The following INO80D variants were observed in gnomAD, a reference collection of about 807,000 sequenced individuals.
INO80D encodes INO80 complex subunit D.
A neutral mutation model predicts 87.6 loss-of-function variants in INO80D; 21 were observed. That is an observed-to-expected ratio of 0.24 (90% confidence interval 0.17 to 0.35). The LOEUF is 0.35. Among genes scored for constraint, INO80D ranks in the 10% least tolerant of loss-of-function variants. INO80D has a pLI of 1.00. For missense variants in INO80D, 982 were observed against 1,280.7 expected, an observed-to-expected ratio of 0.77 and a Z score of 3.56; for synonymous variants, 440 against 491.0, an observed-to-expected ratio of 0.90 and a Z score of 1.37.
Position 206,004,997 on chromosome 2 carries a change from C to T in INO80D, c.2455G>A (p.Asp819Asn). ...CCATGGGGTGAGGAGTGTGAGTGAT[C>T]ACTGCTGTATTGCTGTCGTGAGGTG... Reference protein sequence around the residue: ...LITSRQQYSSDHSHSSPHGSH... With the variant: ...LITSRQQYSSNHSHSSPHGSH... The change falls in exon 11 of 11, where the codon GAT becomes AAT. Residue 819 changes from aspartate (D) to asparagine (N), a missense_variant. Transcript: ENST00000403263. The surrounding 1 kb of genome is among the most constrained non-coding windows in gnomAD (Gnocchi z 4.9). 6.2e-7 allele frequency: 1 copy of T among 1,613,954 alleles called. No homozygotes were observed. Among genetic ancestry groups the T allele is most frequent in the South Asian group, 1.1e-5 (1 of 91,072 alleles).
At chr2:206,040,779 G>T in intron 5 of INO80D, 1 of 264,390 alleles carries the variant, frequency 3.8e-6, no homozygotes, top group South Asian at 3.9e-5. Context: ...GGGAGGCCAA[G>T]GTCAAGCTCA....
chr2:206,030,804 A>G (rs1420810173), intron 5 of INO80D, among the ~76,000 whole-genome samples: 1 of 152,222 alleles, frequency 6.6e-6, no homozygotes, highest in Non-Finnish European at 1.5e-5. Flanking sequence ...AAAATACAGT[A>G]ACAGAGGTGT....
At chr2:206,039,810 C>CAAAAAAAAAAAA (rs35689223) in intron 5 of INO80D, among the ~76,000 whole-genome samples, 1 of 101,086 alleles carries the variant, frequency 9.9e-6, no homozygotes, top group African/African-American at 4.0e-5. Context: ...CCTCTGTCTC[C>CAAAAAAAAAAAA]AAAAAAAAAA....
chr2:206,061,840 G>A (rs1342418247), intron 3 of INO80D, among the ~76,000 whole-genome samples: 1 of 152,200 alleles, frequency 6.6e-6, no homozygotes, highest in Non-Finnish European at 1.5e-5. Context: ...CATGGATGAA[G>A]GTTGTGTGTG....
At position 206,004,767 on chromosome 2, in the gene INO80D, G is replaced by A. The variant is rs1211974088; in HGVS notation, c.2685C>T (p.Val895=). ...TAAATGGAGAGGGGTCTCCAAGGTT[G>A]ACAGGGAGATTGCCCCAGTGAGTTC... ...NPRTHWGNLP[V]NLGDPSPFSN... The change falls in exon 11 of 11, where the codon GTC becomes GTT. Residue 895 remains valine, a synonymous_variant. Coordinates refer to ENST00000403263, the MANE Select transcript of INO80D (RefSeq NM_017759.5). This position sits in a 1 kb window ranked among gnomAD's most constrained non-coding sequence, Gnocchi z 4.9. 2 of 1,614,016 alleles carry A rather than the reference G, an allele frequency of 1.2e-6. No individual in the cohort carries two copies. The highest frequency in any genetic ancestry group is 8.5e-7 in the Non-Finnish European group (1 of 1,179,886).
At chr2:206,014,876 A>T (rs1688277058) in intron 8 of INO80D, among the ~76,000 whole-genome samples, 1 of 152,198 alleles carries the variant, frequency 6.6e-6, no homozygotes, top group Non-Finnish European at 1.5e-5. Flanking sequence ...TTTGACAAAA[A>T]TGCTGATAGT....
At chr2:206,061,104 C>T (rs1269022748) in intron 3 of INO80D, among the ~76,000 whole-genome samples, 1 of 152,108 alleles carries the variant, frequency 6.6e-6, no homozygotes, top group Admixed American at 6.6e-5. Context: ...GCCTCGGCCT[C>T]CTGGGCTAAA....
rs1218285602 is a variant in INO80D at position 205,996,149 on chromosome 2, T to C, written c.*8219A>G. On this transcript the variant is annotated 3_prime_UTR_variant, in exon 11 of 11. Transcript: ENST00000403263. ...TGTTTGTTTTTGAGACAAAGATGAA[T>C]GCCCAAGTCTCAAAATTCCTATTGA... 5.3e-5 allele frequency: 8 copies of C among 152,116 alleles called. No homozygotes were observed. The highest frequency in any genetic ancestry group is 1.0e-4 in the Non-Finnish European group (7 of 67,954). 9.4% of individuals were successfully genotyped at this position (152,116 alleles called of 1,614,324 possible).
Position 206,052,953 on chromosome 2 carries a change from A to C in INO80D, c.964+3245T>G, listed in dbSNP as rs116553168. Among the ~76,000 whole-genome samples the C allele has an allele frequency of 7.3e-3, 1,108 of 152,270 alleles. 14 individuals are homozygous for C. The highest frequency in any genetic ancestry group is 0.026 in the African/African-American group (1,060 of 41,566). ...GAGAAACACTAATCTAAGATATGTA[A>C]ATTTAAGCAGATTTTCTATCTAATT... On this transcript the variant is annotated intron_variant, in intron 4 of 10. Coordinates refer to ENST00000403263, the MANE Select transcript of INO80D (RefSeq NM_017759.5).
At chr2:206,028,062 A>T in intron 6 of INO80D, 49 bp downstream of exon 6, 1 of 1,318,506 alleles carries the variant, frequency 7.6e-7, no homozygotes, top group South Asian at 1.5e-5. Flanking sequence ...CAAAATAAAG[A>T]AAGCAAACTG....
At chr2:206,039,475 G>C (rs1214101324) in intron 5 of INO80D, among the ~76,000 whole-genome samples, 1 of 152,042 alleles carries the variant, frequency 6.6e-6, no homozygotes, top group African/African-American at 2.4e-5. Flanking sequence ...TGGGCTTAGT[G>C]GCATGGTTCC....
At chr2:206,045,921 TC>T (rs1408320268) in intron 5 of INO80D, among the ~76,000 whole-genome samples, 1 of 152,192 alleles carries the variant, frequency 6.6e-6, no homozygotes, top group Non-Finnish European at 1.5e-5. Context: ...GCTTTCCTCT[TC>T]TGTAAAATGA....
chr2:206,073,650 G>A (rs1690031176), intron 1 of INO80D, among the ~76,000 whole-genome samples: 1 of 151,906 alleles, frequency 6.6e-6, no homozygotes, highest in Non-Finnish European at 1.5e-5. Flanking sequence ...AGGAGCTGGG[G>A]CCACAAGCAC....
At chr2:206,047,214 G>A (rs112226171) in intron 4 of INO80D, among the ~76,000 whole-genome samples, 7 of 152,078 alleles carry the variant, frequency 4.6e-5, no homozygotes, top group African/African-American at 1.7e-4. Flanking sequence ...CAAAAAGGCA[G>A]AATTTCTTTT....
At position 206,001,627 on chromosome 2, in the gene INO80D, C is replaced by T. The variant is rs2105788286; in HGVS notation, c.*2741G>A. The T allele has an allele frequency of 6.6e-6, 1 of 152,254 alleles. No individual in the cohort carries two copies. The allele number at this position is 152,254 out of a possible 1,614,324, so 9.4% of individuals were successfully genotyped here. A position where few individuals can be genotyped will look rare whatever the true frequency, so the allele number is the denominator to read the frequency against. ...AGTTCCTACTAATAGACGAGAATGGCTCTATTAAGTAAAAGAAAAACACAG... is the reference window on the plus strand; with the variant it reads ...AGTTCCTACTAATAGACGAGAATGGTTCTATTAAGTAAAAGAAAAACACAG... On this transcript the variant is annotated 3_prime_UTR_variant, in exon 11 of 11. Transcript: ENST00000403263.
At chr2:206,064,543 C>A (rs1234800467) in intron 1 of INO80D, among the ~76,000 whole-genome samples, 2 of 152,158 alleles carry the variant, frequency 1.3e-5, no homozygotes, top group Admixed American at 6.5e-5. Flanking sequence ...TGCTGTGTTA[C>A]CTTGAACAAA....
rs745458624 is a variant in INO80D, at chr2:206,062,997, A to C, written c.20T>G (p.Ile7Arg). Residue 7 changes from isoleucine (I) to arginine (R), a missense_variant, in exon 3 of 11, where the codon ATA becomes AGA. Coordinates refer to ENST00000403263, the MANE Select transcript of INO80D (RefSeq NM_017759.5). The surrounding 1 kb of genome is among the most constrained non-coding windows in gnomAD (Gnocchi z 4.6). ...CTTATTGTCAACCTCAGAGAAGTGT[A>C]TATGTTTCCCTTCATACATCACGTG... is the stretch of plus-strand genomic sequence containing the variant. MYEGKH[I>R]HFSEVDNKPL... 6.2e-7 allele frequency: 1 copy of C among 1,612,038 alleles called. No homozygotes were observed. The highest frequency in any genetic ancestry group is 8.5e-7 in the Non-Finnish European group (1 of 1,179,212).
rs1003635205 is a variant in INO80D, at chr2:206,017,943, T to A, written c.1409-130A>T. ...ATCCATAATATAAATATTACCCATA[T>A]CAGTACTAGCTCAACTACTGATATG... On this transcript the variant is annotated intron_variant, in intron 7 of 10. Transcript: ENST00000403263. 7.1e-5 allele frequency: 53 copies of A among 749,384 alleles called. 1 individual carries two copies. Among genetic ancestry groups the A allele is most frequent in the East Asian group, 6.6e-4 (24 of 36,110 alleles). The allele number at this position is 749,384 out of a possible 1,614,324, so 46.4% of individuals were successfully genotyped here. A position where few individuals can be genotyped will look rare whatever the true frequency, so the allele number is the denominator to read the frequency against.
At chr2:206,057,022 C>T (rs941625922) in intron 3 of INO80D, 79 bp from the exon 4 acceptor site, 22 of 1,366,114 alleles carry the variant, frequency 1.6e-5, no homozygotes, top group Non-Finnish European at 2.2e-5. Flanking sequence ...ACATGAGAAT[C>T]CTAATGTTAA....
Sources: gnomAD v4.1 joint callset for allele counts (sites outside exome capture counted in the v4.1 genomes callset) on GRCh38, gnomAD v4.1.1 for gene constraint, Gnocchi (gnomAD v3.1) non-coding constraint, MANE v1.5 for transcripts, NCBI Gene and HGNC (gene_info 2026-07-23, HGNC 2026-07-21) for gene names.